Variants in GTPBP8 observed in about 807,000 individuals in gnomAD.
GTPBP8 encodes the protein GTP binding protein 8.
In GTPBP8, 21 loss-of-function variants were observed where a neutral mutation model predicts 27.3. That is an observed-to-expected ratio of 0.77 (90% CI 0.55 to 1.11). GTPBP8 has a LOEUF of 1.11. GTPBP8 is among the 50% of genes least tolerant of loss of function. The pLI is 0.00. For synonymous variants in GTPBP8, 147 were observed against 135.3 expected (o/e 1.09, Z -0.60); for missense variants, 380 against 350.8 (o/e 1.08, Z -0.67).
At chr3:112,991,964 ATTCTG>A (rs1198315722) in intron 1 of GTPBP8, 10 of 223,938 alleles carry the variant, frequency 4.5e-5, no homozygotes, top group African/African-American at 2.1e-4. Flanking sequence ...ATTTATTGAT[ATTCTG>A]TTCTAAGTCT....
At chr3:112,995,294 A>T (rs1303432065) in intron 3 of GTPBP8, 29 bp downstream of exon 3, 2 of 1,488,972 alleles carry the variant, frequency 1.3e-6, no homozygotes, top group East Asian at 2.3e-5. Flanking sequence ...TATAATAGTT[A>T]TACATTTAAC....
rs201229732 is a variant in GTPBP8, at chr3:112,996,044, G to GA, written c.566+786dup. On this transcript the variant is annotated intron_variant, in intron 3 of 5. Coordinates refer to ENST00000383678, the MANE Select transcript of GTPBP8 (RefSeq NM_014170.4). ...AAAATTGATGTTAATCTTTTGAAAT[G>GA]AAAAAAATGTATCTTGTTTGTTGTA... Among the ~76,000 whole-genome samples, 9 of 152,008 alleles carry GA rather than the reference G, an allele frequency of 5.9e-5. No homozygotes were observed. In the East Asian group the frequency reaches 9.7e-4, roughly 16 times the overall value.
intron 1 of GTPBP8, chr3:112,991,676 A>T (rs1933684163): frequency 4.2e-6 from 2 of 471,378 alleles, no homozygotes; most frequent in African/African-American, 4.0e-5. Flanking sequence ...TTTCAAACCC[A>T]AATTAAGCAT....
chr3:112,991,134 G>A lies in GTPBP8; in HGVS notation c.135G>A (p.Arg45=). The A allele has an allele frequency of 4.3e-6, 7 of 1,613,916 alleles. No individual in the cohort carries two copies. Among genetic ancestry groups the A allele is most frequent in the Non-Finnish European group, 5.9e-6 (7 of 1,179,968 alleles). Residue 45 remains arginine, a synonymous_variant, in exon 1 of 6, where the codon AGG becomes AGA. Coordinates refer to ENST00000383678, the MANE Select transcript of GTPBP8 (RefSeq NM_014170.4). The part of the protein sequence containing the change: ...EVLRLPKQQL[R]KLLYPLQEVE... The stretch of plus-strand genomic sequence containing the variant: ...TGCGGCTGCCGAAGCAGCAGCTGAG[G>A]AAGCTGCTGTACCCGCTGCAGGAAG...
intron 1 of GTPBP8, chr3:112,991,601 C>G (rs532149804): frequency 1.5e-6 from 1 of 660,546 alleles, no homozygotes; most frequent in Non-Finnish European, 2.8e-6. Flanking sequence ...TAAGCAGAGA[C>G]TGCCTGTATA....
chr3:112,991,064 G>A lies in GTPBP8; in HGVS notation c.65G>A (p.Arg22Gln), dbSNP rs753770152. ...TTTGAAATGCCTGCGGTGCTAGAGC[G>A]ACTGAGCCGCTATAATAGCACGTCC... ...RLFEMPAVLE[R>Q]LSRYNSTSQA... Residue 22 changes from arginine (R) to glutamine (Q), a missense_variant, in exon 1 of 6, where the codon CGA (arginine) becomes CAA (glutamine). Transcript: ENST00000383678. The A allele has an allele frequency of 6.2e-7, 1 of 1,613,730 alleles. No individual in the cohort carries two copies. Among genetic ancestry groups the A allele is most frequent in the Non-Finnish European group, 8.5e-7 (1 of 1,179,880 alleles).
chr3:112,997,079 T>C (rs1229428365), intron 4 of GTPBP8, 88 bp downstream of exon 4: 4 of 670,068 alleles, frequency 6.0e-6, no homozygotes, highest in Non-Finnish European at 1.1e-5. Context: ...ACAATTGAGC[T>C]TGTGTTGCCT....
At chr3:112,998,994 A>G (rs1355163914) in intron 4 of GTPBP8, among the ~76,000 whole-genome samples, 5 of 152,228 alleles carry the variant, frequency 3.3e-5, no homozygotes, top group African/African-American at 1.2e-4. Context: ...GAATATAACT[A>G]GTAGATAGAA....
intron 4 of GTPBP8, among the ~76,000 whole-genome samples, chr3:112,999,038 T>C (rs1014079273): frequency 2.0e-5 from 3 of 152,186 alleles, no homozygotes; most frequent in African/African-American, 7.2e-5. Flanking sequence ...TTTTTTTCTT[T>C]AGAGTATAGG....
At position 113,001,031 on chromosome 3, in the gene GTPBP8, T is replaced by C; in HGVS notation, c.*112T>C. ...GTTTTAAATGTTGTGCATCTGTAACTTCAGGAGGATCACTTGAGCTTTAAA... is the reference window on the plus strand; with the variant it reads ...GTTTTAAATGTTGTGCATCTGTAACCTCAGGAGGATCACTTGAGCTTTAAA... On this transcript the variant is annotated 3_prime_UTR_variant, in exon 6 of 6. Transcript: ENST00000383678. 1 of 636,262 alleles carries C rather than the reference T, an allele frequency of 1.6e-6. No individual in the cohort carries two copies. The highest frequency in any genetic ancestry group is 2.0e-5 in the South Asian group (1 of 49,878). The allele number at this position is 636,262 out of a possible 1,614,324, so 39.4% of individuals were successfully genotyped here.
Position 112,999,474 on chromosome 3 carries a change from C to G in GTPBP8, c.695C>G (p.Ser232Cys). The G allele has an allele frequency of 6.6e-7, 1 of 1,508,452 alleles. No individual in the cohort carries two copies. The highest frequency in any genetic ancestry group is 1.3e-5 in the South Asian group (1 of 78,438). The allele number at this position is 1,508,452 out of a possible 1,614,324, so 93.4% of individuals were successfully genotyped here. The change falls in exon 5 of 6, where the codon TCC becomes TGC. Residue 232 changes from serine to cysteine, a missense_variant. Transcript: ENST00000383678. Reference protein sequence around the residue: ...VIVLTKIDKSSKGHLLKQVLQ... With the variant: ...VIVLTKIDKSCKGHLLKQVLQ... The stretch of plus-strand genomic sequence containing the variant: ...GTATTAACAAAAATTGACAAATCTT[C>G]CAAGGGACATCTTTTAAAACAAGTG...
chr3:112,995,685 C>T (rs1427078490), intron 3 of GTPBP8, among the ~76,000 whole-genome samples: 1 of 151,950 alleles, frequency 6.6e-6, no homozygotes, highest in African/African-American at 2.4e-5. Context: ...TACAGGTGCA[C>T]GCCACCATGC....
chr3:112,991,453 T>C (rs774661978), intron 1 of GTPBP8, 118 bp downstream of exon 1: 117 of 899,144 alleles, frequency 1.3e-4, no homozygotes, highest in Middle Eastern at 2.1e-4. Flanking sequence ...TGTTGGCGCA[T>C]ATATTATTTT....
intron 3 of GTPBP8, among the ~76,000 whole-genome samples, chr3:112,996,495 G>A (rs1255371278): frequency 2.6e-5 from 4 of 151,878 alleles, no homozygotes; most frequent in Non-Finnish European, 5.9e-5. Context: ...ATAACTTATG[G>A]TTAATTTTTT....
intron 3 of GTPBP8, 134 bp from the exon 4 acceptor site, chr3:112,996,758 G>A (rs867067642): frequency 3.3e-6 from 2 of 614,568 alleles, no homozygotes; most frequent in Admixed American, 2.9e-5. Context: ...GAGAATTCCT[G>A]TTGCCTAAAG....
At chr3:112,996,145 G>A (rs1429147557) in intron 3 of GTPBP8, among the ~76,000 whole-genome samples, 2 of 152,142 alleles carry the variant, frequency 1.3e-5, no homozygotes, top group African/African-American at 4.8e-5. Flanking sequence ...TTATCTGTTA[G>A]TGTTAGGGTA....
rs139947240 is a variant in GTPBP8 at position 112,991,273 on chromosome 3, C to A, written c.274C>A (p.Arg92Ser). Residue 92 changes from arginine to serine, a missense_variant, in exon 1 of 6, where the codon CGC (arginine) becomes AGC (serine). Arg to Ser is a moderately radical substitution (Grantham distance 110). Transcript: ENST00000383678. ...CATCTTCACGGCCACTGAACGGAAC[C>A]GCATCGACTACGTCAGCTCCGCCGT... ...DNIFTATERNRIDYVSSAVRI... is the reference protein window; with the variant it reads ...DNIFTATERNSIDYVSSAVRI... 2.1e-4 allele frequency: 336 copies of A among 1,613,856 alleles called. 1 individual carries two copies. The highest frequency in any genetic ancestry group is 1.3e-3 in the Middle Eastern group (8 of 6,062).
At chr3:112,992,309 T>A (rs1235201903) in intron 1 of GTPBP8, 4 of 152,210 alleles carry the variant, frequency 2.6e-5, no homozygotes, top group Non-Finnish European at 5.9e-5. Context: ...GCCCACTAAA[T>A]GTCCCCCAAT....
In GTPBP8 at chr3:112,999,525, T is replaced by A; in HGVS notation, c.746T>A (p.Met249Lys). 1 of 1,509,600 alleles carries A rather than the reference T, an allele frequency of 6.6e-7. No individual in the cohort carries two copies. The highest frequency in any genetic ancestry group is 9.1e-7 in the Non-Finnish European group (1 of 1,101,952). The allele number at this position is 1,509,600 out of a possible 1,614,324, so 93.5% of individuals were successfully genotyped here. ...CTTCAGATCCAGAAATTTGTTAACATGAAAACTCAAGGATGTTTTCCTCAG... is the reference window on the plus strand; with the variant it reads ...CTTCAGATCCAGAAATTTGTTAACAAGAAAACTCAAGGATGTTTTCCTCAG... ...QVLQIQKFVN[M>K]KTQGCFPQLF... Residue 249 changes from methionine to lysine, a missense_variant, in exon 5 of 6, where the codon ATG becomes AAG. By Grantham distance (95) the Met-to-Lys change is moderately conservative (BLOSUM62 -1). Transcript: ENST00000383678.
Sources: gnomAD v4.1 joint callset for allele counts (sites outside exome capture counted in the v4.1 genomes callset) on GRCh38, gnomAD v4.1.1 for gene constraint, MANE v1.5 for transcripts, NCBI Gene and HGNC (gene_info 2026-07-23, HGNC 2026-07-21) for gene names.